Variants in SRFBP1 observed in about 807,000 individuals in gnomAD.
The protein encoded by SRFBP1 is serum response factor binding protein 1.
A neutral mutation model predicts 45.5 loss-of-function variants in SRFBP1; 47 were observed. That is an observed-to-expected ratio of 1.03 (90% confidence interval 0.82 to 1.32). The LOEUF (loss-of-function observed/expected upper bound fraction) is 1.32. Among genes scored for constraint, SRFBP1 ranks in the 40% most tolerant of loss-of-function variants. The pLI, the probability that SRFBP1 is intolerant of heterozygous loss-of-function variation, is 0.00. For missense variants in SRFBP1, 621 were observed against 484.6 expected (o/e 1.28, Z -2.64); for synonymous variants, 203 against 166.3 (o/e 1.22, Z -1.70).
chr5:122,048,934 C>G (rs1175374285), intron 2 of SRFBP1, among the ~76,000 whole-genome samples: 1 of 152,072 alleles, frequency 6.6e-6, no homozygotes, highest in Admixed American at 6.6e-5. Flanking sequence ...ATTCTTCTCT[C>G]TTTTCTTCTT....
At chr5:122,026,606 T>G (rs890506106) in intron 7 of SRFBP1, among the ~76,000 whole-genome samples, 1 of 152,196 alleles carries the variant, frequency 6.6e-6, no homozygotes, top group African/African-American at 2.4e-5. Context: ...CCTTTGAAAA[T>G]ACATGATGCC....
chr5:122,015,914 C>T (rs1037304258), intron 4 of SRFBP1, among the ~76,000 whole-genome samples: 1 of 152,012 alleles, frequency 6.6e-6, no homozygotes, highest in African/African-American at 2.4e-5. Flanking sequence ...GTCATATATC[C>T]CCTCCATCCT....
At position 122,020,808 on chromosome 5, in the gene SRFBP1, A is replaced by AT. The variant is rs1417017886; in HGVS notation, c.1067+8dup. ...GGATCTAAAAGCTCTAGAAGGTAAG[A>AT]TTCTTTTTCTATTCTGAAATAATCA... On this transcript the variant is annotated splice_region_variant and intron_variant, in intron 6 of 7. Coordinates refer to ENST00000339397, the MANE Select transcript of SRFBP1 (RefSeq NM_152546.3). The AT allele has an allele frequency of 1.3e-6, 2 of 1,534,238 alleles. No homozygotes were observed.
intron 7 of SRFBP1, among the ~76,000 whole-genome samples, chr5:122,023,730 T>C (rs1753411214): frequency 6.6e-6 from 1 of 152,118 alleles, no homozygotes; most frequent in African/African-American, 2.4e-5. Context: ...ATGATGAAGA[T>C]TGTACAAAGT....
chr5:122,048,449 A>G (rs761466775), intron 2 of SRFBP1, among the ~76,000 whole-genome samples: 6 of 152,166 alleles, frequency 3.9e-5, no homozygotes, highest in Non-Finnish European at 7.4e-5. Flanking sequence ...CGGTTTGCCA[A>G]TATTTTATTG....
At chr5:122,000,334 ATAAT>A (rs1459370333) in intron 4 of SRFBP1, among the ~76,000 whole-genome samples, 5 of 152,064 alleles carry the variant, frequency 3.3e-5, no homozygotes, top group East Asian at 1.9e-4. Flanking sequence ...CAGTTTTGAC[ATAAT>A]TAAACATAAA....
intron 4 of SRFBP1, among the ~76,000 whole-genome samples, chr5:121,998,266 A>G (rs947743721): frequency 2.0e-5 from 3 of 151,846 alleles, no homozygotes; most frequent in Non-Finnish European, 4.4e-5. Context: ...GAACCAACCC[A>G]AATGTCCAAC....
chr5:121,970,219 T>C (rs1214208601), intron 1 of SRFBP1, among the ~76,000 whole-genome samples: 1 of 152,132 alleles, frequency 6.6e-6, no homozygotes, highest in African/African-American at 2.4e-5. Flanking sequence ...GGTATTCCTT[T>C]TGCTTTTAGA....
intron 4 of SRFBP1, among the ~76,000 whole-genome samples, chr5:122,009,396 A>G (rs891766076): frequency 1.3e-5 from 2 of 152,100 alleles, no homozygotes; most frequent in Non-Finnish European, 2.9e-5. Flanking sequence ...CTCTTCCATT[A>G]TGATAATATT....
intron 2 of SRFBP1, 54 bp downstream of exon 2, chr5:121,974,338 T>G (rs984855770): frequency 6.1e-5 from 78 of 1,280,130 alleles, no homozygotes; most frequent in Non-Finnish European, 8.4e-5. Flanking sequence ...AAAGTTGTTT[T>G]TATTTGATAC....
chr5:122,076,955 C>G, downstream of SRFBP1: 5 of 1,613,978 alleles, frequency 3.1e-6, no homozygotes, highest in South Asian at 1.1e-5. Context: ...TCTGCACGTA[C>G]GTGGACGCCT....
chr5:121,983,156 T>C (rs1041570586), intron 3 of SRFBP1, among the ~76,000 whole-genome samples: 3 of 151,664 alleles, frequency 2.0e-5, no homozygotes, highest in African/African-American at 7.3e-5. Context: ...TTTTGTTTTT[T>C]TTTCAACTGG....
At chr5:121,994,207 CTTCT>C (rs1200733786) in intron 3 of SRFBP1, among the ~76,000 whole-genome samples, 2 of 151,812 alleles carry the variant, frequency 1.3e-5, no homozygotes, top group African/African-American at 4.8e-5. Context: ...TAAATGTTAT[CTTCT>C]TTGTCTTCAT....
At chr5:122,015,642 C>T (rs1338690749) in intron 4 of SRFBP1, among the ~76,000 whole-genome samples, 1 of 152,158 alleles carries the variant, frequency 6.6e-6, no homozygotes, top group Non-Finnish European at 1.5e-5. Flanking sequence ...AAGAAAGTTC[C>T]AGCGGCAGGC....
chr5:122,066,851 C>T lies in SRFBP1; in HGVS notation n.312-8464C>T, dbSNP rs1353631248. ...TCAACCTTTTAAAAACTTTATGCAA[C>T]AGTTTCCCTCCACCTAAGCAGCAAT... On this transcript the variant is annotated intron_variant and non_coding_transcript_variant, in intron 2 of 2. Coordinates refer to the SRFBP1 transcript ENST00000504881. 32 of 727,628 alleles carry T rather than the reference C, an allele frequency of 4.4e-5. 1 individual carries two copies. In the East Asian group the frequency reaches 7.8e-4, roughly 18 times the overall value. The allele number at this position is 727,628 out of a possible 1,614,324, so 45.1% of individuals were successfully genotyped here. A position where few individuals can be genotyped will look rare whatever the true frequency, so the allele number is the denominator to read the frequency against.
intron 3 of SRFBP1, among the ~76,000 whole-genome samples, chr5:121,990,864 C>T (rs998019618): frequency 1.3e-5 from 2 of 152,172 alleles, no homozygotes; most frequent in African/African-American, 4.8e-5. Flanking sequence ...GAATTGTTCC[C>T]AACAAGCTGG....
intron 5 of SRFBP1, 145 bp downstream of exon 5, chr5:122,019,486 T>A (rs987898264): frequency 1.6e-5 from 10 of 628,034 alleles, no homozygotes; most frequent in Non-Finnish European, 2.5e-5. Context: ...TGTCTGAAAA[T>A]ACAGAAAGTG....
At chr5:122,026,256 T>C (rs949564786) in intron 7 of SRFBP1, among the ~76,000 whole-genome samples, 1 of 152,348 alleles carries the variant, frequency 6.6e-6, no homozygotes, top group Middle Eastern at 3.4e-3. Flanking sequence ...TGCATATCTT[T>C]TCATACTAGT....
At chr5:122,017,252 A>C (rs981617098) in intron 4 of SRFBP1, among the ~76,000 whole-genome samples, 3 of 152,062 alleles carry the variant, frequency 2.0e-5, no homozygotes, top group Non-Finnish European at 4.4e-5. Context: ...AAGTAAATTT[A>C]TTTTCTCACA....
Sources: allele counts gnomAD v4.1 joint callset (sites outside exome capture counted in the v4.1 genomes callset), GRCh38; gene constraint gnomAD v4.1.1; transcripts MANE v1.5; gene names NCBI Gene and HGNC (gene_info 2026-07-23, HGNC 2026-07-21).